Variants in DGKB observed in about 807,000 individuals in gnomAD.
DGKB encodes 90 kDa diacylglycerol kinase.
DGKB carries 67 observed loss-of-function variants against 114.3 expected under a neutral mutation model. The ratio of observed to expected loss-of-function variants is 0.59; its 90% CI spans 0.48 to 0.72. DGKB has a LOEUF of 0.72. Among genes scored for constraint, DGKB ranks in the 30% least tolerant of loss-of-function variants. DGKB has a pLI of 0.00. For synonymous variants in DGKB, 398 were observed against 323.1 expected, an observed-to-expected ratio of 1.23 and a Z score of -2.49; for missense variants, 907 against 975.2, an observed-to-expected ratio of 0.93 and a Z score of 0.93.
intron 21 of DGKB, among the ~76,000 whole-genome samples, chr7:14,415,840 C>T (rs1324207746): frequency 3.3e-5 from 5 of 152,068 alleles, no homozygotes; most frequent in African/African-American, 7.2e-5. Flanking sequence ...CCTGAGGAAT[C>T]GCCACACTGA....
intron 2 of DGKB, among the ~76,000 whole-genome samples, chr7:14,800,940 C>A (rs1842069463): frequency 6.6e-6 from 1 of 152,106 alleles, no homozygotes; most frequent in Non-Finnish European, 1.5e-5. Flanking sequence ...ATGTTGAAAG[C>A]AAGAGAATAC....
intron 23 of DGKB, among the ~76,000 whole-genome samples, chr7:14,241,438 A>C (rs1486479434): frequency 1.3e-5 from 2 of 149,566 alleles, no homozygotes; most frequent in East Asian, 4.0e-4. Flanking sequence ...TTATGTTCCT[A>C]AACCCAAGTT....
intron 1 of DGKB, among the ~76,000 whole-genome samples, chr7:14,882,210 G>A (rs1006618723): frequency 2.0e-5 from 3 of 151,846 alleles, no homozygotes; most frequent in African/African-American, 7.2e-5. Flanking sequence ...AAGAGAAATC[G>A]AGGATAAGAG....
At chr7:14,945,550 T>C (rs1466423225) in intron 1 of DGKB, among the ~76,000 whole-genome samples, 1 of 151,782 alleles carries the variant, frequency 6.6e-6, no homozygotes, top group Non-Finnish European at 1.5e-5. Flanking sequence ...AAATATCCAT[T>C]AATGTTAGCA....
chr7:14,302,007 T>A (rs777505235), intron 23 of DGKB, among the ~76,000 whole-genome samples: 1 of 152,118 alleles, frequency 6.6e-6, no homozygotes, highest in Non-Finnish European at 1.5e-5. Context: ...CAGCTTTGCT[T>A]TGATTCTCTC....
intron 1 of DGKB, among the ~76,000 whole-genome samples, chr7:14,850,997 C>A (rs1423726019): frequency 1.3e-5 from 2 of 152,120 alleles, no homozygotes; most frequent in Non-Finnish European, 2.9e-5. Context: ...AGAGCATTAG[C>A]ATTTAAAGAA....
At chr7:14,738,240 T>G (rs550559609) in intron 4 of DGKB, among the ~76,000 whole-genome samples, 5 of 152,346 alleles carry the variant, frequency 3.3e-5, no homozygotes, top group African/African-American at 4.8e-5. Flanking sequence ...AACCAGGAGT[T>G]GATTTTATTG....
intron 2 of DGKB, among the ~76,000 whole-genome samples, chr7:14,826,236 G>A (rs932294597): frequency 5.3e-5 from 8 of 152,196 alleles, no homozygotes; most frequent in Non-Finnish European, 8.8e-5. Context: ...GGAAGCTTCT[G>A]CCTATAACTT....
At chr7:14,525,419 A>G (rs1221252834) in intron 20 of DGKB, among the ~76,000 whole-genome samples, 1 of 152,192 alleles carries the variant, frequency 6.6e-6, no homozygotes, top group East Asian at 1.9e-4. Flanking sequence ...AACAAGAATG[A>G]CTGTTCTGGA....
At chr7:14,517,266 G>A (rs1788968826) in intron 20 of DGKB, among the ~76,000 whole-genome samples, 5 of 152,008 alleles carry the variant, frequency 3.3e-5, no homozygotes. Context: ...GCAGAAGATC[G>A]AAACTGGACC....
rs1398270723 is a variant in DGKB, at chr7:14,170,197, G to GAAAT, written c.2304+6641_2304+6642insATTT. On this transcript the variant is annotated intron_variant, in intron 25 of 25. Transcript: ENST00000402815. ...AGAAAGAAAGAAAGAAAGAAAGAAA[G>GAAAT]AAAGAAATACATTAAGCCTCTGAAG... 1.4e-3 allele frequency among the ~76,000 whole-genome samples: 196 copies of GAAAT among 138,182 alleles called. 3 individuals are homozygous for GAAAT. The highest frequency in any genetic ancestry group is 2.2e-3 in the Non-Finnish European group (144 of 64,578). The allele number at this position is 138,182 out of a possible 152,430, so 90.7% of individuals were successfully genotyped here.
At chr7:14,908,234 C>T (rs538312882), upstream of DGKB, among the ~76,000 whole-genome samples, 2 of 152,114 alleles carry the variant, frequency 1.3e-5, no homozygotes, top group Admixed American at 6.5e-5. Context: ...TTTTGAGAAA[C>T]TACATAGGCC....
intron 21 of DGKB, among the ~76,000 whole-genome samples, chr7:14,455,743 A>G (rs1832193714): frequency 6.6e-6 from 1 of 152,036 alleles, no homozygotes; most frequent in South Asian, 2.1e-4. Flanking sequence ...AACTTGGTTC[A>G]GGAAATAGAT....
intron 21 of DGKB, among the ~76,000 whole-genome samples, chr7:14,346,137 G>A (rs766793047): frequency 6.6e-6 from 1 of 151,594 alleles, no homozygotes. Context: ...AGAAGTTTTT[G>A]TTATGGTATT....
intron 13 of DGKB, among the ~76,000 whole-genome samples, chr7:14,671,846 T>G (rs543935392): frequency 3.9e-5 from 6 of 152,248 alleles, no homozygotes; most frequent in African/African-American, 1.4e-4. Flanking sequence ...AAAACAACAT[T>G]TAAATTAACC....
intron 21 of DGKB, among the ~76,000 whole-genome samples, chr7:14,391,996 G>A (rs1199714298): frequency 6.6e-6 from 1 of 152,076 alleles, no homozygotes; most frequent in East Asian, 1.9e-4. Context: ...CTTAAATGGT[G>A]TGAAAATTTA....
intron 21 of DGKB, among the ~76,000 whole-genome samples, chr7:14,403,484 CTATGA>C (rs767699967): frequency 2.0e-5 from 3 of 150,654 alleles, no homozygotes; most frequent in East Asian, 2.0e-4. Flanking sequence ...TCTCATTCTC[CTATGA>C]TATATGTTTT....
At chr7:14,258,429 A>G (rs1796263100) in intron 23 of DGKB, among the ~76,000 whole-genome samples, 1 of 152,250 alleles carries the variant, frequency 6.6e-6, no homozygotes, top group African/African-American at 2.4e-5. Context: ...GAGAATAATT[A>G]AAGACATGTT....
intron 10 of DGKB, among the ~76,000 whole-genome samples, chr7:14,684,826 A>G (rs940577348): frequency 3.3e-5 from 5 of 152,170 alleles, no homozygotes; most frequent in African/African-American, 1.2e-4. Flanking sequence ...CAATTAATGT[A>G]ACTTAAACAA....
Sources: gnomAD v4.1 joint callset for allele counts (sites outside exome capture counted in the v4.1 genomes callset) on GRCh38, gnomAD v4.1.1 for gene constraint, MANE v1.5 for transcripts, NCBI Gene and HGNC (gene_info 2026-07-23, HGNC 2026-07-21) for gene names.